RPTOR: variants seen among roughly 807,000 people sequenced by gnomAD.
RPTOR encodes the protein regulatory associated protein of MTOR complex 1, also known as regulatory-associated protein of mTOR.
Under a neutral mutation model 169.9 loss-of-function variants are expected in RPTOR, and 21 were observed. The ratio of observed to expected loss-of-function variants is 0.12; its 90% CI spans 0.09 to 0.18. The LOEUF (loss-of-function observed/expected upper bound fraction) is 0.18, where lower values mean the gene tolerates loss of function less well. Among genes scored for constraint, RPTOR ranks in the 10% least tolerant of loss-of-function variants. The pLI is 1.00. For missense variants in RPTOR, 1,133 were observed against 1,855.9 expected, an observed-to-expected ratio of 0.61 and a Z score of 7.16; for synonymous variants, 732 against 753.2, an observed-to-expected ratio of 0.97 and a Z score of 0.46.
At position 80,936,163 on chromosome 17, in the gene RPTOR, AC is replaced by A. The variant is rs2068952720; in HGVS notation, c.2920-4332del. 6.6e-6 allele frequency among the ~76,000 whole-genome samples: 1 copy of A among 152,260 alleles called. No individual in the cohort carries two copies. The highest frequency in any genetic ancestry group is 2.4e-5 in the African/African-American group (1 of 41,466). ...GTACGGACCCCTGCAGTGAGATCCC[AC>A]TACACACCTGTTAGAATGTCTCGAA... On this transcript the variant is annotated intron_variant, in intron 24 of 33. Transcript: ENST00000306801. This position sits in a 1 kb window ranked among gnomAD's most constrained non-coding sequence, Gnocchi z 4.1.
chr17:80,899,406 A>T (rs4969295), intron 20 of RPTOR, among the ~76,000 whole-genome samples: 110,445 of 152,212 alleles, frequency 0.73, 40,487 homozygotes, highest in Admixed American at 0.78. Flanking sequence ...AAAGGTATTT[A>T]AAAATTTTTT....
At chr17:80,551,647 C>T (rs1218602353) in intron 1 of RPTOR, among the ~76,000 whole-genome samples, 3 of 152,276 alleles carry the variant, frequency 2.0e-5, no homozygotes, top group East Asian at 1.9e-4. Context: ...GGTTTTATAC[C>T]GAGACATTCC....
intron 1 of RPTOR, among the ~76,000 whole-genome samples, chr17:80,592,713 A>C (rs888803727): frequency 1.3e-5 from 2 of 152,220 alleles, no homozygotes; most frequent in African/African-American, 4.8e-5. Flanking sequence ...GATGCTGGCC[A>C]TAAATACAGA....
In RPTOR at chr17:80,760,304, T is replaced by TC. The variant is rs1221009720; in HGVS notation, c.830+6119_830+6120insC. ...TCCAGTCGAGCTTTCTTTTTTCTTTTTTCTTTTTTTTTTTTTTGAGACCGA... is the reference window on the plus strand; with the variant it reads ...TCCAGTCGAGCTTTCTTTTTTCTTTTCTTCTTTTTTTTTTTTTTGAGACCGA... On this transcript the variant is annotated intron_variant, in intron 6 of 33. Coordinates refer to ENST00000306801, the MANE Select transcript of RPTOR (RefSeq NM_020761.3). 1.0e-4 allele frequency among the ~76,000 whole-genome samples: 14 copies of TC among 137,248 alleles called. 1 individual carries two copies. The highest frequency in any genetic ancestry group is 7.7e-4 in the South Asian group (3 of 3,890). 90.0% of individuals were successfully genotyped at this position (137,248 alleles called of 152,430 possible). A position where few individuals can be genotyped will look rare whatever the true frequency, so the allele number is the denominator to read the frequency against.
At chr17:80,792,393 A>G (rs988495084) in intron 7 of RPTOR, among the ~76,000 whole-genome samples, 1 of 152,156 alleles carries the variant, frequency 6.6e-6, no homozygotes, top group African/African-American at 2.4e-5. Context: ...ATCAGGGGAA[A>G]AATGCAAGAA....
Position 80,891,463 on chromosome 17 carries a change from C to T in RPTOR, c.1984-257C>T, listed in dbSNP as rs573734204. Among the ~76,000 whole-genome samples, 4 of 152,316 alleles carry T rather than the reference C, an allele frequency of 2.6e-5. No homozygotes were observed. The East Asian group carries it at 7.7e-4, about 29-fold the overall frequency. On this transcript the variant is annotated intron_variant, in intron 17 of 33. Coordinates refer to ENST00000306801, the MANE Select transcript of RPTOR (RefSeq NM_020761.3). The stretch of plus-strand genomic sequence containing the variant: ...CTTACGAGACCCCCGATGCGTCGTG[C>T]GCCTCTAGCAGTGGGGAGGATTCTG...
intron 1 of RPTOR, among the ~76,000 whole-genome samples, chr17:80,564,531 A>T (rs1437157699): frequency 6.6e-6 from 1 of 151,622 alleles, no homozygotes; most frequent in Non-Finnish European, 1.5e-5. Flanking sequence ...CAGGTTTGTT[A>T]TATAGGTGAA....
chr17:80,889,145 C>A (rs570865363), intron 17 of RPTOR, among the ~76,000 whole-genome samples: 1 of 152,226 alleles, frequency 6.6e-6, no homozygotes, highest in African/African-American at 2.4e-5. Context: ...ACTTTGAATG[C>A]GGAGCTCACA....
At chr17:80,804,173 A>AC (rs2067193307) in intron 7 of RPTOR, 1 of 152,120 alleles carries the variant, frequency 6.6e-6, no homozygotes, top group Non-Finnish European at 1.5e-5. Context: ...CAGTGGCGTG[A>AC]CCCGCAGTGG....
intron 21 of RPTOR, among the ~76,000 whole-genome samples, chr17:80,912,582 C>T (rs892011050): frequency 6.6e-6 from 1 of 152,092 alleles, no homozygotes. Flanking sequence ...GGGAAGCTCT[C>T]GAGCCTGTGT....
intron 4 of RPTOR, among the ~76,000 whole-genome samples, chr17:80,716,823 G>A (rs750650528): frequency 7.2e-5 from 11 of 152,080 alleles, no homozygotes; most frequent in Non-Finnish European, 1.3e-4. Context: ...TGTTGTAAAG[G>A]GTGTCTTTTC....
intron 13 of RPTOR, among the ~76,000 whole-genome samples, chr17:80,867,910 T>C (rs2068011645): frequency 6.6e-6 from 1 of 152,180 alleles, no homozygotes; most frequent in Admixed American, 6.5e-5. Context: ...TGATTTCTGC[T>C]TCTGAGATCC....
chr17:80,551,392 G>A lies in RPTOR; in HGVS notation c.162+5601G>A, dbSNP rs532671450. ...TTCCCTTAGTATTTATTGATCATTC[G>A]TGGGTGTTTCTCCGAGAGGGGGATG... On this transcript the variant is annotated intron_variant, in intron 1 of 33. Transcript: ENST00000306801. 5.3e-5 allele frequency among the ~76,000 whole-genome samples: 8 copies of A among 152,258 alleles called. No individual in the cohort carries two copies. In the East Asian group the frequency reaches 1.4e-3, roughly 26 times the overall value.
At chr17:80,898,733 C>A (rs1598388025) in intron 20 of RPTOR, among the ~76,000 whole-genome samples, 1 of 140,682 alleles carries the variant, frequency 7.1e-6, no homozygotes, top group African/African-American at 2.8e-5. Flanking sequence ...CTCACCCAAC[C>A]CCTGCTCACC....
chr17:80,730,758 T>TTTTTTTTTTTCGG lies in RPTOR; in HGVS notation c.654+52_654+53insTTTTTTTTTTCGG. On this transcript the variant is annotated intron_variant, in intron 5 of 33. Coordinates refer to ENST00000306801, the MANE Select transcript of RPTOR (RefSeq NM_020761.3). The surrounding 1 kb of genome is among the most constrained non-coding windows in gnomAD (Gnocchi z 4.2). ...GTGCTGGGTTTGGTTTTGTTTTCCC[T>TTTTTTTTTTTCGG]GGGGGTGGGGTTTGGGTGGGGAGGT... The TTTTTTTTTTTCGG allele has an allele frequency of 2.1e-6, 1 of 467,258 alleles. No homozygotes were observed. The allele number at this position is 467,258 out of a possible 1,614,324, so 28.9% of individuals were successfully genotyped here. A position where few individuals can be genotyped will look rare whatever the true frequency, so the allele number is the denominator to read the frequency against.
intron 7 of RPTOR, among the ~76,000 whole-genome samples, chr17:80,809,173 A>G (rs191443827): frequency 4.5e-4 from 68 of 152,310 alleles, no homozygotes; most frequent in African/African-American, 1.6e-3. Context: ...GACACTTGGC[A>G]TTCTGCCTTT....
chr17:80,858,982 CG>C (rs1390340371), intron 13 of RPTOR, among the ~76,000 whole-genome samples: 2 of 152,044 alleles, frequency 1.3e-5, no homozygotes, highest in African/African-American at 2.4e-5. Flanking sequence ...TAGGGAAACA[CG>C]GGGTGGAGAG....
At chr17:80,880,649 G>C (rs1375753872) in intron 14 of RPTOR, among the ~76,000 whole-genome samples, 160 bp downstream of exon 14, 3 of 152,248 alleles carry the variant, frequency 2.0e-5, no homozygotes, top group Non-Finnish European at 4.4e-5. Flanking sequence ...CTTCACGTTA[G>C]ACATGGCCCT....
intron 2 of RPTOR, among the ~76,000 whole-genome samples, chr17:80,630,817 C>T (rs1479683078): frequency 6.6e-6 from 1 of 152,210 alleles, no homozygotes; most frequent in African/African-American, 2.4e-5. Flanking sequence ...GCTGTGCCTG[C>T]CCACGTGCCT....
Sources: allele counts gnomAD v4.1 joint callset (sites outside exome capture counted in the v4.1 genomes callset), GRCh38; gene constraint gnomAD v4.1.1; non-coding constraint Gnocchi (gnomAD v3.1); transcripts MANE v1.5; gene names NCBI Gene and HGNC (gene_info 2026-07-23, HGNC 2026-07-21).